Variants in POLA1 observed in about 807,000 individuals in gnomAD.
POLA1 encodes the protein DNA polymerase alpha 1, catalytic subunit.
In POLA1, 15 loss-of-function variants were observed where a neutral mutation model predicts 124.0. The ratio of observed to expected loss-of-function variants is 0.12; its 90% CI spans 0.08 to 0.19. The LOEUF is 0.19. Ranked by LOEUF, POLA1 falls within the 10% of genes least tolerant of loss-of-function variation. POLA1 has a pLI of 1.00. For synonymous variants in POLA1, 408 were observed against 389.4 expected, an observed-to-expected ratio of 1.05 and a Z score of -0.56; for missense variants, 886 against 1,103.4, an observed-to-expected ratio of 0.80 and a Z score of 2.79.
At chrX:24,984,480 T>G (rs1601932425) in intron 36 of POLA1, among the ~76,000 whole-genome samples, 1 of 110,884 alleles carries the variant, frequency 9.0e-6, no homozygotes, top group East Asian at 2.8e-4. Flanking sequence ...TAAACACATG[T>G]AGAGGGGAAC....
In POLA1 at chrX:24,890,607, G is replaced by T. The variant is rs1218974657; in HGVS notation, c.4164+2485G>T. 1.3e-4 allele frequency among the ~76,000 whole-genome samples: 15 copies of T among 111,786 alleles called. No individual in the cohort carries two copies. The Admixed American group carries it at 1.4e-3, about 11-fold the overall frequency. ...ATATTGCCAAATTGCTTTCCTAATG[G>T]GCTTTCCCAACTTATACTGTATACC... On this transcript the variant is annotated intron_variant, in intron 35 of 36. Transcript: ENST00000379068.
At chrX:24,893,126 T>C (rs939750353) in intron 35 of POLA1, among the ~76,000 whole-genome samples, 2 of 111,893 alleles carry the variant, frequency 1.8e-5, no homozygotes, top group East Asian at 5.6e-4. Flanking sequence ...TGGGGAAGTT[T>C]CTTTTTTCAG....
At chrX:24,751,064 C>T (rs1297436477) in intron 26 of POLA1, among the ~76,000 whole-genome samples, 3 of 111,749 alleles carry the variant, frequency 2.7e-5, no homozygotes, top group African/African-American at 9.7e-5. Context: ...CTCACTATGC[C>T]CCAACTGGGT....
In POLA1 at chrX:24,757,436, C is replaced by CTTTTTTTTTTTTTTTTTTT. The variant is rs66782103; in HGVS notation, c.2964+8447_2964+8465dup. ...ATCTGAAATGCTCCAAAATCTGAAA[C>CTTTTTTTTTTTTTTTTTTT]TTTTTTTTTTTTTTTTTTTTTGAGA... On this transcript the variant is annotated intron_variant, in intron 26 of 36. Transcript: ENST00000379068. Among the ~76,000 whole-genome samples the CTTTTTTTTTTTTTTTTTTT allele has an allele frequency of 4.3e-4, 27 of 62,138 alleles. 2 individuals are homozygous for CTTTTTTTTTTTTTTTTTTT. The highest frequency in any genetic ancestry group is 1.9e-3 in the African/African-American group (23 of 12,224). 54.0% of individuals were successfully genotyped at this position (62,138 alleles called of 115,157 possible). A position where few individuals can be genotyped will look rare whatever the true frequency, so the allele number is the denominator to read the frequency against.
At chrX:24,710,518 T>C (rs377351285) in intron 4 of POLA1, among the ~76,000 whole-genome samples, 2 of 112,064 alleles carry the variant, frequency 1.8e-5, no homozygotes, top group East Asian at 5.6e-4. Context: ...TGTTTATTCA[T>C]TAGTTGATGG....
intron 34 of POLA1, among the ~76,000 whole-genome samples, chrX:24,845,174 T>G (rs1217916589): frequency 6.3e-5 from 7 of 111,835 alleles, no homozygotes; most frequent in Non-Finnish European, 1.3e-4. Context: ...ATAAGTATTT[T>G]TCAAGCTAAA....
intron 15 of POLA1, among the ~76,000 whole-genome samples, chrX:24,729,648 A>G (rs1181931738): frequency 9.0e-6 from 1 of 111,543 alleles, no homozygotes; most frequent in Non-Finnish European, 1.9e-5. Context: ...CCTATATTAC[A>G]TGCAGTCGTG....
intron 15 of POLA1, among the ~76,000 whole-genome samples, chrX:24,728,309 C>T (rs1293683924): frequency 1.8e-5 from 2 of 111,636 alleles, no homozygotes; most frequent in Non-Finnish European, 3.8e-5. Context: ...TAGTCTCAGA[C>T]ATTGTGTCAT....
chrX:24,719,271 A>G (rs1466472736), intron 10 of POLA1, among the ~76,000 whole-genome samples: 1 of 109,810 alleles, frequency 9.1e-6, no homozygotes, highest in Non-Finnish European at 1.9e-5. Context: ...AATTGGAAAA[A>G]TGTTAATGAT....
intron 35 of POLA1, among the ~76,000 whole-genome samples, chrX:24,920,868 G>A (rs375212311): frequency 1.8e-5 from 2 of 112,029 alleles, no homozygotes; most frequent in East Asian, 2.8e-4. Context: ...CATATATAGC[G>A]TGCATATATG....
chrX:24,737,772 T>A, intron 19 of POLA1, 31 bp downstream of exon 19: 1 of 727,152 alleles, frequency 1.4e-6, no homozygotes, highest in Non-Finnish European at 2.1e-6. Flanking sequence ...CTTATTTATC[T>A]ATTTATTTTA....
intron 26 of POLA1, among the ~76,000 whole-genome samples, chrX:24,798,831 C>A (rs1399489678): frequency 1.8e-5 from 2 of 111,155 alleles, no homozygotes; most frequent in African/African-American, 6.5e-5. Context: ...CATGTGTCTA[C>A]AACACATGTT....
chrX:24,801,195 G>A (rs1406915974), intron 26 of POLA1, among the ~76,000 whole-genome samples: 3 of 111,742 alleles, frequency 2.7e-5, no homozygotes, highest in African/African-American at 9.8e-5. Context: ...GTGTTTGAAG[G>A]TGGGATCAAA....
rs1466646712 is a variant in POLA1, at chrX:24,826,497, C to A, written c.3632C>A (p.Thr1211Asn). 4 of 1,200,442 alleles carry A rather than the reference C, an allele frequency of 3.3e-6. No individual in the cohort carries two copies. Among genetic ancestry groups the A allele is most frequent in the Non-Finnish European group, 3.4e-6 (3 of 887,489 alleles). ...CAGCTGCAGAAACAGGATAATCTAA[C>A]CATTGACACCCAGTACTACCTGGCC... ...PEQLQKQDNLTIDTQYYLAQQ... is the reference protein window; with the variant it reads ...PEQLQKQDNLNIDTQYYLAQQ... Residue 1211 changes from threonine to asparagine, a missense_variant, in exon 32 of 37, where the codon ACC becomes AAC. Physicochemically the swap from Thr to Asn is moderately conservative, Grantham distance 65. Transcript: ENST00000379068.
chrX:24,749,536 GT>G (rs1004106337), intron 26 of POLA1, among the ~76,000 whole-genome samples: 7 of 110,174 alleles, frequency 6.4e-5, no homozygotes, highest in Non-Finnish European at 9.5e-5. Context: ...ACTTAAGAGA[GT>G]TTTTTTTTGC....
intron 15 of POLA1, among the ~76,000 whole-genome samples, chrX:24,731,691 A>T (rs1930914997): frequency 9.0e-6 from 1 of 110,828 alleles, no homozygotes; most frequent in African/African-American, 3.3e-5. Flanking sequence ...TACAGAGCAC[A>T]GGACAGCCCC....
intron 15 of POLA1, among the ~76,000 whole-genome samples, chrX:24,728,730 C>G (rs1930704213): frequency 8.9e-6 from 1 of 112,012 alleles, no homozygotes; most frequent in Admixed American, 9.5e-5. Context: ...TGAGCCAAAT[C>G]CAGCCTGCTA....
intron 32 of POLA1, among the ~76,000 whole-genome samples, chrX:24,839,176 G>A (rs986658553): frequency 1.8e-5 from 2 of 111,452 alleles, no homozygotes; most frequent in Non-Finnish European, 3.8e-5. Context: ...ACTTGTACAA[G>A]GATCATTATA....
chrX:24,862,565 C>G (rs2046731639), intron 34 of POLA1, among the ~76,000 whole-genome samples: 1 of 110,932 alleles, frequency 9.0e-6, no homozygotes, highest in African/African-American at 3.3e-5. Flanking sequence ...AGATTTTCTT[C>G]CCTGTGTTAG....
Sources: gnomAD v4.1 joint callset for allele counts (sites outside exome capture counted in the v4.1 genomes callset) on GRCh38, gnomAD v4.1.1 for gene constraint, MANE v1.5 for transcripts, NCBI Gene and HGNC (gene_info 2026-07-23, HGNC 2026-07-21) for gene names.